Variants in LY75 observed in about 807,000 individuals in gnomAD.
LY75 encodes lymphocyte antigen 75.
LY75 carries 185 observed loss-of-function variants against 231.7 expected under a neutral mutation model. The observed-to-expected ratio is 0.80, with a 90% CI of 0.71 to 0.90. The LOEUF is 0.90. Ranked by LOEUF, LY75 falls within the 40% of genes least tolerant of loss-of-function variation. The pLI, the probability that LY75 is intolerant of heterozygous loss-of-function variation, is 0.00. For missense variants in LY75, 1,947 were observed against 2,050.2 expected (o/e 0.95, Z 0.97); for synonymous variants, 668 against 689.0 (o/e 0.97, Z 0.48).
At chr2:159,828,920 T>C (rs1344632) in intron 28 of LY75, among the ~76,000 whole-genome samples, 62,107 of 151,988 alleles carry the variant, frequency 0.41, 14,378 homozygotes, top group Non-Finnish European at 0.52. Context: ...ATGGTATGAT[T>C]TCATTTATGT....
At position 159,878,465 on chromosome 2, in the gene LY75, T is replaced by C. The variant is rs766239715; in HGVS notation, c.1633A>G (p.Met545Val). ...CTTAGAGATTTATCATACTTTTTCATCAAATCATTTAGGTATTCTTGCTCA... is the reference window on the plus strand; with the variant it reads ...CTTAGAGATTTATCATACTTTTTCACCAAATCATTTAGGTATTCTTGCTCA... ...RFEQEYLNDL[M>V]KKYDKSLRKY... The change falls in exon 11 of 35, where the codon ATG (methionine) becomes GTG (valine). Residue 545 changes from methionine (M) to valine (V), a missense_variant. Transcript: ENST00000263636. 2 of 1,614,094 alleles carry C rather than the reference T, an allele frequency of 1.2e-6. No homozygotes were observed. Among genetic ancestry groups the C allele is most frequent in the South Asian group, 2.2e-5 (2 of 91,060 alleles).
At chr2:159,839,777 G>A (rs941608811) in intron 25 of LY75, among the ~76,000 whole-genome samples, 10 of 151,984 alleles carry the variant, frequency 6.6e-5, no homozygotes, top group Non-Finnish European at 1.5e-4. Flanking sequence ...AGCCTGGGGC[G>A]GGCGGATCAC....
At chr2:159,833,018 G>C (rs1293861044) in intron 27 of LY75, among the ~76,000 whole-genome samples, 2 of 152,040 alleles carry the variant, frequency 1.3e-5, no homozygotes, top group Non-Finnish European at 2.9e-5. Context: ...CTGCCTTGTG[G>C]TGTATCTAAG....
At chr2:159,806,860 T>A in intron 34 of LY75, 113 bp downstream of exon 34, 2 of 1,311,500 alleles carry the variant, frequency 1.5e-6, no homozygotes, top group East Asian at 5.0e-5. Context: ...TTGGATATAC[T>A]TTAAGGACTA....
rs1262324579 is a variant in LY75 at position 159,831,806 on chromosome 2, C to G, written c.3842-20G>C. The stretch of plus-strand genomic sequence containing the variant: ...TTGGATCTGTTGAATAAAAAATAAT[C>G]AATAATTTTAACAATTACTTATCTA... On this transcript the variant is annotated intron_variant, in intron 27 of 34. Transcript: ENST00000263636. 1 of 1,578,590 alleles carries G rather than the reference C, an allele frequency of 6.3e-7. No homozygotes were observed. The highest frequency in any genetic ancestry group is 8.6e-7 in the Non-Finnish European group (1 of 1,159,440).
In LY75 at chr2:159,878,359, G is replaced by T. The variant is rs1685333240; in HGVS notation, c.1739C>A (p.Ala580Asp). 2.5e-6 allele frequency: 4 copies of T among 1,614,046 alleles called. No individual in the cohort carries two copies. The highest frequency in any genetic ancestry group is 3.4e-6 in the Non-Finnish European group (4 of 1,179,966). Residue 580 changes from alanine to aspartate, a missense_variant, in exon 11 of 35, where the codon GCT (alanine) becomes GAT (aspartate). Ala to Asp is a moderately radical substitution (Grantham distance 126, BLOSUM62 -2). Coordinates refer to ENST00000263636, the MANE Select transcript of LY75 (RefSeq NM_002349.4). ...AAAATTCCAGTTGGAAAAGGTTACA[G>T]CCCGCCTTCTTCCACCAACAGTTGC... ...NWATVGGRRR[A>D]VTFSNWNFLE...
At chr2:159,806,224 T>C (rs2125825457) in intron 34 of LY75, among the ~76,000 whole-genome samples, 1 of 152,328 alleles carries the variant, frequency 6.6e-6, no homozygotes, top group African/African-American at 2.4e-5. Flanking sequence ...TTGTAATCTC[T>C]GTGAGAACAG....
chr2:159,888,110 G>A (rs1051144728), intron 4 of LY75, among the ~76,000 whole-genome samples: 1 of 152,136 alleles, frequency 6.6e-6, no homozygotes, highest in Non-Finnish European at 1.5e-5. Context: ...AAAGGGTAAA[G>A]CTACAAGTAA....
chr2:159,877,415 C>A (rs1394580152), intron 11 of LY75, among the ~76,000 whole-genome samples: 1 of 152,178 alleles, frequency 6.6e-6, no homozygotes, highest in Non-Finnish European at 1.5e-5. Flanking sequence ...TTCATTAATT[C>A]AATAACCAGA....
intron 12 of LY75, 109 bp downstream of exon 12, chr2:159,875,335 T>C (rs1685232393): frequency 1.4e-6 from 2 of 1,438,276 alleles, no homozygotes; most frequent in African/African-American, 1.4e-5. Flanking sequence ...CAGAGCACTT[T>C]AGTTAGGTTA....
chr2:159,834,189 T>C lies in LY75; in HGVS notation c.3696A>G (p.Lys1232=). 6.2e-7 allele frequency: 1 copy of C among 1,613,810 alleles called. No homozygotes were observed. The highest frequency in any genetic ancestry group is 8.5e-7 in the Non-Finnish European group (1 of 1,179,862). Residue 1232 remains lysine (K), a synonymous_variant, in exon 27 of 35, where the codon AAA becomes AAG. Coordinates refer to ENST00000263636, the MANE Select transcript of LY75 (RefSeq NM_002349.4). ...ATGGACATTTAACACTGTCAACTGG[T>C]TTGACCTCTTTTTCAGTCTCATCTA... ...YSGNETEKEV[K]PVDSVKCPSP...
chr2:159,808,713 ACTGG>A (rs1476654833), intron 32 of LY75, 142 bp from the exon 33 acceptor site: 1 of 1,259,752 alleles, frequency 7.9e-7, no homozygotes, highest in Non-Finnish European at 1.1e-6. Context: ...GTTTTTAAAA[ACTGG>A]TATTTAGGTC....
At chr2:159,845,318 C>A (rs1684167737) in intron 23 of LY75, among the ~76,000 whole-genome samples, 1 of 151,990 alleles carries the variant, frequency 6.6e-6, no homozygotes, top group South Asian at 2.1e-4. Flanking sequence ...ACAAGAATAT[C>A]TAAAAGTATG....
chr2:159,886,166 T>A (rs569259209), intron 5 of LY75, among the ~76,000 whole-genome samples: 1 of 152,158 alleles, frequency 6.6e-6, no homozygotes, highest in African/African-American at 2.4e-5. Flanking sequence ...GTGGAGCTCA[T>A]TTTGCTCTTA....
intron 23 of LY75, among the ~76,000 whole-genome samples, chr2:159,843,490 ATTT>A (rs5835770): frequency 2.0e-5 from 3 of 148,750 alleles, no homozygotes; most frequent in Non-Finnish European, 3.0e-5. Context: ...AATAATGGCC[ATTT>A]TTTTTTTTTT....
chr2:159,813,348 A>G (rs1366047679), intron 31 of LY75, among the ~76,000 whole-genome samples: 1 of 129,836 alleles, frequency 7.7e-6, no homozygotes, highest in Admixed American at 8.1e-5. Flanking sequence ...TTTTTTTTTG[A>G]AGATCCAGTT....
intron 13 of LY75, among the ~76,000 whole-genome samples, chr2:159,866,626 A>G (rs1479842226): frequency 2.0e-5 from 3 of 152,176 alleles, no homozygotes; most frequent in Admixed American, 2.0e-4. Context: ...CGAGTGCTGG[A>G]TTTCTAAACC....
chr2:159,900,449 A>G (rs991171481), intron 1 of LY75, among the ~76,000 whole-genome samples: 14 of 152,256 alleles, frequency 9.2e-5, no homozygotes, highest in African/African-American at 3.4e-4. Context: ...AATCACTGTC[A>G]GTGAACCAGA....
chr2:159,806,641 C>A (rs1456098458), intron 34 of LY75, among the ~76,000 whole-genome samples: 1 of 152,080 alleles, frequency 6.6e-6, no homozygotes, highest in Admixed American at 6.6e-5. Flanking sequence ...CAGAAATAGA[C>A]CTTTAAGCTT....
Sources: gnomAD v4.1 joint callset for allele counts (sites outside exome capture counted in the v4.1 genomes callset) on GRCh38, gnomAD v4.1.1 for gene constraint, MANE v1.5 for transcripts, NCBI Gene and HGNC (gene_info 2026-07-23, HGNC 2026-07-21) for gene names.